MAGI2: variants seen among roughly 807,000 people sequenced by gnomAD.
MAGI2 encodes membrane associated guanylate kinase, WW and PDZ domain containing 2.
MAGI2 carries 35 observed loss-of-function variants against 133.3 expected under a neutral mutation model. The ratio of observed to expected loss-of-function variants is 0.26; its 90% confidence interval spans 0.20 to 0.35. MAGI2 has a LOEUF of 0.35. MAGI2 is among the 10% of genes least tolerant of loss of function. The probability of loss-of-function intolerance (pLI) is 1.00; values close to 1 mark genes in which losing one functional copy is unlikely to be tolerated. For synonymous variants in MAGI2, 729 were observed against 710.6 expected, an observed-to-expected ratio of 1.03 and a Z score of -0.41; for missense variants, 1,636 against 1,863.4, an observed-to-expected ratio of 0.88 and a Z score of 2.25.
At chr7:79,240,783 C>A (rs1832335370) in intron 1 of MAGI2, among the ~76,000 whole-genome samples, 1 of 151,680 alleles carries the variant, frequency 6.6e-6, no homozygotes, top group Non-Finnish European at 1.5e-5. Context: ...ACATTTCCCT[C>A]ACAACTCTCT....
chr7:78,645,088 T>C (rs770096184), intron 2 of MAGI2, among the ~76,000 whole-genome samples: 18 of 151,990 alleles, frequency 1.2e-4, no homozygotes, highest in Non-Finnish European at 2.1e-4. Context: ...CTGTGTACAG[T>C]AGATAGCCTG....
chr7:78,270,990 C>A (rs1229354101), intron 9 of MAGI2, among the ~76,000 whole-genome samples: 3 of 152,072 alleles, frequency 2.0e-5, no homozygotes, highest in African/African-American at 7.2e-5. Flanking sequence ...GCCAGAACTT[C>A]CAACACTATG....
chr7:78,176,908 G>GTCACACAC (rs1826677631), intron 14 of MAGI2, among the ~76,000 whole-genome samples: 1 of 130,432 alleles, frequency 7.7e-6, no homozygotes, highest in Admixed American at 8.0e-5. Context: ...ACCATATATA[G>GTCACACAC]ACACACACAC....
chr7:78,724,268 G>T (rs1014022920), intron 2 of MAGI2, among the ~76,000 whole-genome samples: 1 of 152,144 alleles, frequency 6.6e-6, no homozygotes, highest in Non-Finnish European at 1.5e-5. Context: ...CACTAGCATA[G>T]GTTCAAAACA....
intron 7 of MAGI2, chr7:78,347,376 G>A (rs1284205428): frequency 6.6e-6 from 1 of 152,188 alleles, no homozygotes; most frequent in Non-Finnish European, 1.5e-5. Context: ...ACAGGGTAAG[G>A]TAGCTGCCTG....
chr7:78,186,963 G>A (rs1827753563), intron 12 of MAGI2, among the ~76,000 whole-genome samples: 3 of 152,088 alleles, frequency 2.0e-5, no homozygotes, highest in Admixed American at 2.0e-4. Context: ...GAAGACACAT[G>A]TATGCAAACC....
intron 1 of MAGI2, among the ~76,000 whole-genome samples, chr7:79,092,579 A>G (rs1817160331): frequency 6.6e-6 from 1 of 152,224 alleles, no homozygotes; most frequent in Admixed American, 6.5e-5. Flanking sequence ...GAGGGCTATT[A>G]ACTTCCATAT....
At chr7:79,310,932 T>C (rs1164064936) in intron 1 of MAGI2, among the ~76,000 whole-genome samples, 1 of 122,744 alleles carries the variant, frequency 8.1e-6, no homozygotes, top group Non-Finnish European at 1.8e-5. Context: ...TCTCTCACTT[T>C]AAAACACACA....
Position 78,481,603 on chromosome 7 carries a change from T to C in MAGI2, c.1045+8158A>G, listed in dbSNP as rs1330591929. ...TGGTACAAGTGAAGGGATAAACCCA[T>C]AGATGAACAGAATCCAACAGTTTAT... On this transcript the variant is annotated intron_variant, in intron 6 of 21. Transcript: ENST00000354212. 3.3e-5 allele frequency among the ~76,000 whole-genome samples: 5 copies of C among 151,816 alleles called. No homozygotes were observed. In the South Asian group the frequency reaches 8.3e-4, roughly 25 times the overall value.
rs935386384 is a variant in MAGI2, at chr7:78,534,744, GTCTGGTCATT to G, written c.539-13109_539-13100del. ...TGTTTCTAGACTGATGACCAATGTAGTCTGGTCATTTCCTGCTTCTGATAGTGGGGGAGCA... is the reference window on the plus strand; with the variant it reads ...TGTTTCTAGACTGATGACCAATGTAGTCCTGCTTCTGATAGTGGGGGAGCA... On this transcript the variant is annotated intron_variant, in intron 3 of 21. Transcript: ENST00000354212. Among the ~76,000 whole-genome samples, 51 of 152,188 alleles carry G rather than the reference GTCTGGTCATT, an allele frequency of 3.4e-4. 1 individual carries two copies. Among genetic ancestry groups the G allele is most frequent in the Non-Finnish European group, 6.2e-4 (42 of 68,038 alleles).
In MAGI2 at chr7:79,344,553, C is replaced by A. The variant is rs148899478; in HGVS notation, c.301+108467G>T. On this transcript the variant is annotated intron_variant, in intron 1 of 21. Coordinates refer to ENST00000354212, the MANE Select transcript of MAGI2 (RefSeq NM_012301.4). ...AAAGAAATAGGATTTCTTATGCCAG[C>A]AAAAATAGATATAAACAAAGGTGCA... Among the ~76,000 whole-genome samples the A allele has an allele frequency of 1.4e-3, 216 of 152,084 alleles. 1 individual carries two copies. The highest frequency in any genetic ancestry group is 4.9e-3 in the African/African-American group (204 of 41,518).
intron 1 of MAGI2, among the ~76,000 whole-genome samples, chr7:79,334,982 C>G (rs1218396812): frequency 6.6e-6 from 1 of 152,106 alleles, no homozygotes; most frequent in Non-Finnish European, 1.5e-5. Context: ...AAGAAAAAGT[C>G]TCTATGGTAA....
chr7:79,252,167 AAAAAAAAAAAAG>A lies in MAGI2; in HGVS notation c.301+200841_301+200852del, dbSNP rs1249744474. On this transcript the variant is annotated intron_variant, in intron 1 of 21. Transcript: ENST00000354212. The stretch of plus-strand genomic sequence containing the variant: ...ATGAGACCCTGTCTCAAAAAAAAAA[AAAAAAAAAAAAG>A]AAGAAGAAGAAAAAGAAGAAAGAAA... 3.4e-5 allele frequency among the ~76,000 whole-genome samples: 5 copies of A among 146,550 alleles called. No individual in the cohort carries two copies. The East Asian group carries it at 7.9e-4, about 23-fold the overall frequency.
chr7:78,677,896 G>A (rs1490599440), intron 2 of MAGI2, among the ~76,000 whole-genome samples: 1 of 152,058 alleles, frequency 6.6e-6, no homozygotes, highest in Non-Finnish European at 1.5e-5. Context: ...TCAGGAGACA[G>A]GGCTGGTGCA....
chr7:78,862,244 G>A (rs774287861), intron 2 of MAGI2, among the ~76,000 whole-genome samples: 8 of 151,932 alleles, frequency 5.3e-5, no homozygotes, highest in East Asian at 1.9e-4. Context: ...TAACTTCTTC[G>A]TAAATGCTGA....
In MAGI2 at chr7:78,787,093, G is replaced by A. The variant is rs959372256; in HGVS notation, c.419-159854C>T. On this transcript the variant is annotated intron_variant, in intron 2 of 21. Transcript: ENST00000354212. ...CTCCCGAGTAGCTGGGATTACAGGT[G>A]TGCACCACCAGGCCCAGCTAATTTT... Among the ~76,000 whole-genome samples the A allele has an allele frequency of 1.7e-4, 26 of 152,026 alleles. 2 individuals are homozygous for A. Among genetic ancestry groups the A allele is most frequent in the South Asian group, 2.1e-4 (1 of 4,822 alleles).
intron 14 of MAGI2, among the ~76,000 whole-genome samples, chr7:78,168,489 C>T (rs780023386): frequency 6.6e-5 from 10 of 152,102 alleles, no homozygotes; most frequent in South Asian, 4.1e-4. Flanking sequence ...TCATAAATGA[C>T]GAATACCCTT....
chr7:78,817,002 C>A (rs1789638005), intron 2 of MAGI2, among the ~76,000 whole-genome samples: 1 of 152,158 alleles, frequency 6.6e-6, no homozygotes, highest in Non-Finnish European at 1.5e-5. Flanking sequence ...GGAAAGGATT[C>A]ACCATTAAGA....
chr7:78,277,499 A>C (rs1176297656), intron 9 of MAGI2, among the ~76,000 whole-genome samples: 3 of 152,206 alleles, frequency 2.0e-5, no homozygotes, highest in Admixed American at 6.5e-5. Context: ...AGAAGGCATG[A>C]GATGTCCAGA....
Sources: gnomAD v4.1 joint callset for allele counts (sites outside exome capture counted in the v4.1 genomes callset) on GRCh38, gnomAD v4.1.1 for gene constraint, MANE v1.5 for transcripts, NCBI Gene and HGNC (gene_info 2026-07-23, HGNC 2026-07-21) for gene names.